The following ARL15 variants were observed in gnomAD, a reference collection of about 807,000 sequenced individuals.
ARL15 encodes the protein ARF like GTPase 15, also known as ADP-ribosylation factor-like protein 15.
ARL15 carries 19 observed loss-of-function variants against 25.2 expected under a neutral mutation model. The ratio of observed to expected loss-of-function variants is 0.75; its 90% confidence interval spans 0.53 to 1.10. The LOEUF (loss-of-function observed/expected upper bound fraction) is 1.10. Ranked by LOEUF, ARL15 falls within the 50% of genes least tolerant of loss-of-function variation. The pLI is 0.00. For synonymous variants in ARL15, 94 were observed against 86.8 expected (o/e 1.08, Z -0.46); for missense variants, 220 against 246.0 (o/e 0.89, Z 0.71).
intron 1 of ARL15, among the ~76,000 whole-genome samples, chr5:54,247,825 AAATGAAAACCTC>A (rs1757131186): frequency 6.6e-6 from 1 of 152,182 alleles, no homozygotes; most frequent in Middle Eastern, 3.2e-3. Context: ...GCAGTTATAA[AAATGAAAACCTC>A]AAATCACAGA....
At chr5:53,987,421 C>T (rs928988008) in intron 4 of ARL15, among the ~76,000 whole-genome samples, 6 of 151,546 alleles carry the variant, frequency 4.0e-5, no homozygotes, top group African/African-American at 7.3e-5. Context: ...TGCATGCGCA[C>T]AGGCCCAATC....
At chr5:53,963,852 C>T (rs141318554) in intron 4 of ARL15, among the ~76,000 whole-genome samples, 2 of 149,836 alleles carry the variant, frequency 1.3e-5, no homozygotes, top group South Asian at 4.2e-4. Context: ...CACACACATA[C>T]ACAGAGTAAC....
chr5:53,966,593 A>C (rs1021899981), intron 4 of ARL15, among the ~76,000 whole-genome samples: 1 of 152,168 alleles, frequency 6.6e-6, no homozygotes, highest in Non-Finnish European at 1.5e-5. Context: ...ATCTCACACT[A>C]TCTCCAGGTA....
At chr5:54,309,066 C>A (rs929372001) in intron 1 of ARL15, among the ~76,000 whole-genome samples, 2 of 152,220 alleles carry the variant, frequency 1.3e-5, no homozygotes, top group Non-Finnish European at 2.9e-5. Context: ...TCTTAACTTA[C>A]AGGGCACCTT....
intron 2 of ARL15, among the ~76,000 whole-genome samples, chr5:54,168,134 A>G (rs1754628114): frequency 6.6e-6 from 1 of 152,236 alleles, no homozygotes; most frequent in African/African-American, 2.4e-5. Flanking sequence ...TCCTTAAATC[A>G]GTGGCAGTCA....
At chr5:54,245,122 T>A (rs958084335) in intron 1 of ARL15, among the ~76,000 whole-genome samples, 2 of 152,168 alleles carry the variant, frequency 1.3e-5, no homozygotes, top group African/African-American at 4.8e-5. Flanking sequence ...AACTTCATGA[T>A]AATGTTCTAT....
At chr5:53,991,933 A>G (rs1380140789) in intron 4 of ARL15, among the ~76,000 whole-genome samples, 2 of 152,230 alleles carry the variant, frequency 1.3e-5, no homozygotes, top group Non-Finnish European at 2.9e-5. Context: ...GAAAAAAGGT[A>G]TATTTTTATT....
At chr5:54,037,550 T>G (rs906584113) in intron 4 of ARL15, among the ~76,000 whole-genome samples, 1 of 152,118 alleles carries the variant, frequency 6.6e-6, no homozygotes, top group Non-Finnish European at 1.5e-5. Context: ...TGATGTCTAA[T>G]GCCTCCACCC....
intron 1 of ARL15, among the ~76,000 whole-genome samples, chr5:54,263,831 A>C (rs1043988329): frequency 6.6e-6 from 1 of 151,994 alleles, no homozygotes; most frequent in African/African-American, 2.4e-5. Flanking sequence ...TGGCACCTCC[A>C]ACTCACACAT....
chr5:53,993,936 A>G (rs1196574328), intron 4 of ARL15, among the ~76,000 whole-genome samples: 1 of 152,192 alleles, frequency 6.6e-6, no homozygotes, highest in Non-Finnish European at 1.5e-5. Flanking sequence ...TATTAAAATG[A>G]ACTCCATTTT....
chr5:54,114,403 C>CAAAAAAAAA (rs1326500976), intron 3 of ARL15, among the ~76,000 whole-genome samples: 2 of 3,686 alleles, frequency 5.4e-4, no homozygotes, highest in African/African-American at 1.8e-3. Flanking sequence ...GGCTCCATCT[C>CAAAAAAAAA]AAGAAAAAAA....
intron 3 of ARL15, among the ~76,000 whole-genome samples, chr5:54,139,692 C>T (rs1338018236): frequency 6.6e-6 from 1 of 152,084 alleles, no homozygotes; most frequent in African/African-American, 2.4e-5. Context: ...ATTAGCTGAG[C>T]ATGGTGATAT....
chr5:53,901,052 T>C (rs1318649226), intron 4 of ARL15, among the ~76,000 whole-genome samples: 2 of 152,208 alleles, frequency 1.3e-5, no homozygotes, highest in African/African-American at 4.8e-5. Flanking sequence ...CACTTGTCTT[T>C]GCATGCAGGT....
At chr5:53,888,934 G>C (rs960460384) in intron 4 of ARL15, among the ~76,000 whole-genome samples, 1 of 152,024 alleles carries the variant, frequency 6.6e-6, no homozygotes, top group Non-Finnish European at 1.5e-5. Context: ...TCAGAAATTG[G>C]GACCACTGTG....
At chr5:54,198,110 A>T (rs1294160498) in intron 1 of ARL15, among the ~76,000 whole-genome samples, 1 of 151,934 alleles carries the variant, frequency 6.6e-6, no homozygotes, top group Admixed American at 6.6e-5. Flanking sequence ...TCATGTTAAA[A>T]ACTCTCAATA....
intron 1 of ARL15, among the ~76,000 whole-genome samples, chr5:54,261,408 A>T (rs1757494039): frequency 6.6e-6 from 1 of 152,160 alleles, no homozygotes; most frequent in African/African-American, 2.4e-5. Flanking sequence ...GGTCTCCTAA[A>T]ATAATCGGTA....
intron 4 of ARL15, among the ~76,000 whole-genome samples, chr5:53,984,783 C>T (rs1012972491): frequency 1.3e-5 from 2 of 151,878 alleles, no homozygotes; most frequent in Non-Finnish European, 2.9e-5. Context: ...CTGAGAAAAC[C>T]CTTATTTATA....
At chr5:54,045,475 C>G (rs766259847) in intron 4 of ARL15, among the ~76,000 whole-genome samples, 1 of 151,962 alleles carries the variant, frequency 6.6e-6, no homozygotes, top group Non-Finnish European at 1.5e-5. Flanking sequence ...ACTAGATGCA[C>G]GTCATATCAG....
intron 4 of ARL15, among the ~76,000 whole-genome samples, chr5:53,914,782 ATCT>A (rs1253673713): frequency 6.6e-6 from 1 of 151,808 alleles, no homozygotes; most frequent in South Asian, 2.1e-4. Flanking sequence ...CTTTCTTTTT[ATCT>A]TCTTTTTCTT....
Sources: gnomAD v4.1 joint callset for allele counts (sites outside exome capture counted in the v4.1 genomes callset) on GRCh38, gnomAD v4.1.1 for gene constraint, MANE v1.5 for transcripts, NCBI Gene and HGNC (gene_info 2026-07-23, HGNC 2026-07-21) for gene names.